Variants in FBXO28 observed in about 807,000 individuals in gnomAD.
FBXO28 encodes the protein F-box only protein 28.
In FBXO28, 8 loss-of-function variants were observed where a neutral mutation model predicts 38.1. That is an observed-to-expected ratio of 0.21 (90% CI 0.12 to 0.38). The LOEUF is 0.38. FBXO28 is among the 10% of genes least tolerant of loss of function. The probability of loss-of-function intolerance (pLI) is 1.00; values close to 1 mark genes in which losing one functional copy is unlikely to be tolerated. For missense variants in FBXO28, 345 were observed against 460.6 expected (o/e 0.75, Z 2.30); for synonymous variants, 168 against 173.8 (o/e 0.97, Z 0.26).
rs1262726095 is a variant in FBXO28 at position 224,122,223 on chromosome 1, AT to A, written c.267+7833del. On this transcript the variant is annotated intron_variant, in intron 1 of 4. Transcript: ENST00000366862. ...AATGGTTGTGATTCGTTCATTATTC[AT>A]TTTTTAAATGATTTTTTCGTCCATC... 3.3e-5 allele frequency among the ~76,000 whole-genome samples: 5 copies of A among 152,250 alleles called. No homozygotes were observed. The East Asian group carries it at 5.8e-4, about 18-fold the overall frequency.
chr1:224,143,842 A>T (rs1335390670), intron 3 of FBXO28, among the ~76,000 whole-genome samples: 1 of 150,772 alleles, frequency 6.6e-6, no homozygotes, highest in Admixed American at 6.6e-5. Context: ...TCTCAAAAAA[A>T]AAAAAAAGAA....
intron 1 of FBXO28, among the ~76,000 whole-genome samples, chr1:224,117,158 A>T (rs566519058): frequency 1.8e-4 from 25 of 138,720 alleles, no homozygotes; most frequent in Middle Eastern, 3.7e-3. Context: ...AAATAAAAAT[A>T]AATTGGATTT....
intron 1 of FBXO28, among the ~76,000 whole-genome samples, chr1:224,125,101 A>G (rs1656873777): frequency 2.0e-5 from 3 of 151,898 alleles, no homozygotes. Flanking sequence ...CCTAATGTTT[A>G]AAATAATTTT....
At chr1:224,153,378 ACTTG>A in intron 4 of FBXO28, 41 bp downstream of exon 4, 1 of 1,460,070 alleles carries the variant, frequency 6.8e-7, no homozygotes, top group Non-Finnish European at 9.1e-7. Context: ...TAATTTTGTA[ACTTG>A]CTTCCGGTTT....
intron 2 of FBXO28, among the ~76,000 whole-genome samples, chr1:224,132,419 A>G (rs971977980): frequency 1.2e-4 from 19 of 152,180 alleles, no homozygotes; most frequent in African/African-American, 4.3e-4. Flanking sequence ...GATGGCTACA[A>G]TGGAAAAATG....
intron 4 of FBXO28, among the ~76,000 whole-genome samples, chr1:224,156,934 G>A (rs569109916): frequency 3.8e-4 from 57 of 150,584 alleles, no homozygotes; most frequent in Middle Eastern, 6.8e-3. Context: ...CCCAGGAGGC[G>A]GAGCTTGCAG....
At chr1:224,138,672 A>G (rs1353755097) in intron 3 of FBXO28, among the ~76,000 whole-genome samples, 2 of 148,484 alleles carry the variant, frequency 1.3e-5, no homozygotes, top group Non-Finnish European at 3.0e-5. Context: ...GCAACCAGCC[A>G]TTCATAGAGA....
At chr1:224,125,889 A>G (rs1357724691) in intron 1 of FBXO28, among the ~76,000 whole-genome samples, 3 of 152,148 alleles carry the variant, frequency 2.0e-5, no homozygotes, top group Non-Finnish European at 2.9e-5. Flanking sequence ...TCAGCCTCCC[A>G]AAGTGCTGGG....
At chr1:224,132,985 C>G (rs1215688946) in intron 2 of FBXO28, among the ~76,000 whole-genome samples, 1 of 152,190 alleles carries the variant, frequency 6.6e-6, no homozygotes, top group South Asian at 2.1e-4. Flanking sequence ...AAAGTGGAGA[C>G]AATCCAAATG....
At chr1:224,152,023 C>T (rs1460839282) in intron 3 of FBXO28, among the ~76,000 whole-genome samples, 8 of 149,464 alleles carry the variant, frequency 5.4e-5, no homozygotes, top group Non-Finnish European at 8.9e-5. Context: ...GCCTGGACAA[C>T]ACAGTGAGAC....
chr1:224,159,778 T>C lies in FBXO28; in HGVS notation c.*2032T>C, dbSNP rs973087077. On this transcript the variant is annotated 3_prime_UTR_variant, in exon 5 of 5. Transcript: ENST00000366862. ...GTGTGATCCGTATGCATCAAAGGGA[T>C]ACAGCCCCAGACTGTTTCTTTAATG... is the stretch of plus-strand genomic sequence containing the variant. The C allele has an allele frequency of 1.3e-5, 2 of 152,178 alleles. No homozygotes were observed. Among genetic ancestry groups the C allele is most frequent in the African/African-American group, 4.8e-5 (2 of 41,440 alleles). The allele number at this position is 152,178 out of a possible 1,614,324, so 9.4% of individuals were successfully genotyped here.
rs180747993 is a variant in FBXO28, at chr1:224,157,873, T to G, written c.*127T>G. Reference sequence around the variant, plus strand: ...AGGCTTTCAGAACACAACTTAAACTTGAACTCTTATGGTTGGGACATTCTT... The same window carrying G: ...AGGCTTTCAGAACACAACTTAAACTGGAACTCTTATGGTTGGGACATTCTT... On this transcript the variant is annotated 3_prime_UTR_variant, in exon 5 of 5. Coordinates refer to ENST00000366862, the MANE Select transcript of FBXO28 (RefSeq NM_015176.4). The G allele has an allele frequency of 1.9e-4, 271 of 1,439,444 alleles. No individual in the cohort carries two copies. In the Middle Eastern group the frequency reaches 2.8e-3, roughly 15 times the overall value. The allele number at this position is 1,439,444 out of a possible 1,614,324, so 89.2% of individuals were successfully genotyped here. A position where few individuals can be genotyped will look rare whatever the true frequency, so the allele number is the denominator to read the frequency against.
At position 224,158,133 on chromosome 1, in the gene FBXO28, A is replaced by G; in HGVS notation, c.*387A>G. On this transcript the variant is annotated 3_prime_UTR_variant, in exon 5 of 5. Transcript: ENST00000366862. The stretch of plus-strand genomic sequence containing the variant: ...ACAGAAAATGTCCTGTTCACTTGAA[A>G]GAAAAGACCTACTTTTTAAATGGAC... 1.0e-6 allele frequency: 1 copy of G among 993,232 alleles called. No individual in the cohort carries two copies. The highest frequency in any genetic ancestry group is 1.2e-6 in the Non-Finnish European group (1 of 835,334). 61.5% of individuals were successfully genotyped at this position (993,232 alleles called of 1,614,324 possible).
intron 4 of FBXO28, 85 bp downstream of exon 4, chr1:224,153,422 T>C: frequency 1.0e-6 from 1 of 963,184 alleles, no homozygotes; most frequent in Admixed American, 2.6e-5. Context: ...CTTGAACTTT[T>C]CTGTGTTAGT....
chr1:224,149,517 A>G (rs1657590889), intron 3 of FBXO28, among the ~76,000 whole-genome samples: 1 of 152,160 alleles, frequency 6.6e-6, no homozygotes. Context: ...TGTTGAATTA[A>G]CCCTTTCATT....
rs900541594 is a variant in FBXO28, at chr1:224,123,200, T to G, written c.268-7272T>G. ...AGAGTGCCAAACTAATACATTTTAT[T>G]TATTTATTTTGGTTCTCTGTTTATC... is the stretch of plus-strand genomic sequence containing the variant. On this transcript the variant is annotated intron_variant, in intron 1 of 4. Transcript: ENST00000366862. 7.9e-5 allele frequency among the ~76,000 whole-genome samples: 12 copies of G among 152,160 alleles called. 1 individual carries two copies. The highest frequency in any genetic ancestry group is 2.9e-4 in the African/African-American group (12 of 41,448).
chr1:224,129,402 C>T (rs1656983248), intron 1 of FBXO28, among the ~76,000 whole-genome samples: 1 of 152,138 alleles, frequency 6.6e-6, no homozygotes, highest in Non-Finnish European at 1.5e-5. Flanking sequence ...CATAAGCTCT[C>T]CATAGTTAAG....
intron 3 of FBXO28, among the ~76,000 whole-genome samples, chr1:224,135,026 T>A: frequency 6.8e-6 from 1 of 146,792 alleles, no homozygotes; most frequent in South Asian, 2.1e-4. Flanking sequence ...TTTAGTTTTC[T>A]TTGACATTTA....
At chr1:224,138,277 G>C (rs1368580420) in intron 3 of FBXO28, among the ~76,000 whole-genome samples, 4 of 151,750 alleles carry the variant, frequency 2.6e-5, no homozygotes, top group Non-Finnish European at 5.9e-5. Context: ...TCTAGGACAG[G>C]AATCAGCAAA....
Sources: gnomAD v4.1 joint callset for allele counts (sites outside exome capture counted in the v4.1 genomes callset) on GRCh38, gnomAD v4.1.1 for gene constraint, MANE v1.5 for transcripts, NCBI Gene and HGNC (gene_info 2026-07-23, HGNC 2026-07-21) for gene names.